The following HELLS variants were observed in gnomAD, a reference collection of about 807,000 sequenced individuals.
The protein encoded by HELLS is helicase, lymphoid specific.
Under a neutral mutation model 120.0 loss-of-function variants are expected in HELLS, and 32 were observed. That is an observed-to-expected ratio of 0.27 (90% CI 0.20 to 0.36). The LOEUF (loss-of-function observed/expected upper bound fraction) is 0.36, where lower values mean the gene tolerates loss of function less well. Among genes scored for constraint, HELLS ranks in the 10% least tolerant of loss-of-function variants. The probability of loss-of-function intolerance (pLI) is 1.00; values close to 1 mark genes in which losing one functional copy is unlikely to be tolerated. For synonymous variants in HELLS, 341 were observed against 323.4 expected (o/e 1.05, Z -0.58); for missense variants, 650 against 993.4 (o/e 0.65, Z 4.65).
At chr10:94,562,645 ATG>A in intron 4 of HELLS, 44 bp from the exon 5 acceptor site, 2 of 1,329,968 alleles carry the variant, frequency 1.5e-6, no homozygotes, top group South Asian at 2.5e-5. Context: ...GTATAATACT[ATG>A]AAGGTCCTTA....
intron 2 of HELLS, among the ~76,000 whole-genome samples, chr10:94,547,997 G>A (rs1842817571): frequency 6.6e-6 from 1 of 152,150 alleles, no homozygotes; most frequent in Admixed American, 6.5e-5. Flanking sequence ...TGAGAGGTCT[G>A]ACCTGAACCA....
intron 2 of HELLS, among the ~76,000 whole-genome samples, chr10:94,553,705 C>T (rs531474086): frequency 7.9e-5 from 12 of 151,736 alleles, no homozygotes; most frequent in Non-Finnish European, 1.8e-4. Flanking sequence ...TGCACCACCA[C>T]GCCTGGCTAA....
intron 12 of HELLS, among the ~76,000 whole-genome samples, chr10:94,584,699 A>G (rs1845035969): frequency 6.6e-6 from 1 of 152,154 alleles, no homozygotes; most frequent in South Asian, 2.1e-4. Flanking sequence ...CTGCCTTTTG[A>G]TTGAACATTT....
chr10:94,567,479 G>A (rs959031457), intron 6 of HELLS, among the ~76,000 whole-genome samples: 1 of 152,060 alleles, frequency 6.6e-6, no homozygotes, highest in Non-Finnish European at 1.5e-5. Context: ...TGTATTTTTA[G>A]TAGAGACGGG....
chr10:94,572,511 T>C (rs1844226913), intron 7 of HELLS, among the ~76,000 whole-genome samples: 1 of 152,212 alleles, frequency 6.6e-6, no homozygotes, highest in African/African-American at 2.4e-5. Flanking sequence ...AGCATATTAG[T>C]AACCGGTTTC....
chr10:94,554,090 A>T, intron 2 of HELLS, 36 bp from the exon 3 acceptor site: 1 of 1,528,632 alleles, frequency 6.5e-7, no homozygotes, highest in Non-Finnish European at 8.7e-7. Context: ...TATGTCAGAA[A>T]GTGTTCATAA....
chr10:94,577,552 T>C (rs1245855751), intron 10 of HELLS: 1 of 153,250 alleles, frequency 6.5e-6, no homozygotes, highest in East Asian at 1.9e-4. Context: ...ATGTGTCTGC[T>C]GGTAAAACTT....
chr10:94,559,969 A>G (rs974908827), intron 4 of HELLS, among the ~76,000 whole-genome samples: 10 of 152,352 alleles, frequency 6.6e-5, no homozygotes, highest in Admixed American at 6.5e-5. Flanking sequence ...GCTGAAAATT[A>G]CGGATTTGAA....
chr10:94,576,600 T>C, intron 9 of HELLS, 62 bp from the exon 10 acceptor site: 2 of 867,200 alleles, frequency 2.3e-6, no homozygotes, highest in Non-Finnish European at 3.4e-6. Context: ...TTATATTTTC[T>C]AAATAGTCAA....
chr10:94,584,830 C>G (rs1490792114), intron 12 of HELLS, among the ~76,000 whole-genome samples: 1 of 151,966 alleles, frequency 6.6e-6, no homozygotes, highest in Admixed American at 6.6e-5. Flanking sequence ...TATCCAAATT[C>G]AACAGTTTTA....
intron 19 of HELLS, among the ~76,000 whole-genome samples, chr10:94,595,103 C>CT (rs79655609): frequency 0.025 from 3,870 of 152,004 alleles, 138 homozygotes; most frequent in African/African-American, 0.077. Flanking sequence ...TGGCGGGCGC[C>CT]TGTAATCCCA....
At chr10:94,567,462 C>CT (rs1843872733) in intron 6 of HELLS, among the ~76,000 whole-genome samples, 1 of 152,122 alleles carries the variant, frequency 6.6e-6, no homozygotes, top group African/African-American at 2.4e-5. Context: ...CCACGCCTGG[C>CT]AAATTTTGTA....
Position 94,545,797 on chromosome 10 carries a change from G to C in HELLS, c.-125G>C. ...GACAGGATTTTCCCGCGAAGGAGAA[G>C]CGCGCTTTTTTCCCTGGCGGGGGAT... is the stretch of plus-strand genomic sequence containing the variant. On this transcript the variant is annotated 5_prime_UTR_variant, in exon 1 of 22. Transcript: ENST00000348459. 2 of 1,092,880 alleles carry C rather than the reference G, an allele frequency of 1.8e-6. No individual in the cohort carries two copies. Among genetic ancestry groups the C allele is most frequent in the South Asian group, 2.7e-5 (2 of 74,480 alleles). 67.7% of individuals were successfully genotyped at this position (1,092,880 alleles called of 1,614,324 possible).
At chr10:94,594,622 G>T in intron 18 of HELLS, 73 bp from the exon 19 acceptor site, 1 of 1,163,182 alleles carries the variant, frequency 8.6e-7, no homozygotes, top group South Asian at 1.8e-5. Flanking sequence ...CATTCATGTT[G>T]ACTTTATCCA....
At chr10:94,585,241 G>C (rs911196789) in intron 12 of HELLS, among the ~76,000 whole-genome samples, 1 of 151,082 alleles carries the variant, frequency 6.6e-6, no homozygotes, top group Non-Finnish European at 1.5e-5. Context: ...ATGCGTACAC[G>C]GTAAGATATT....
intron 3 of HELLS, among the ~76,000 whole-genome samples, chr10:94,554,649 T>G (rs1252454520): frequency 8.5e-5 from 12 of 140,680 alleles, no homozygotes; most frequent in East Asian, 2.3e-4. Context: ...ATAGTGTTTT[T>G]TTTTTTGTTT....
chr10:94,600,047 T>C (rs1845950804), intron 21 of HELLS, among the ~76,000 whole-genome samples: 1 of 152,112 alleles, frequency 6.6e-6, no homozygotes, highest in Non-Finnish European at 1.5e-5. Context: ...TCCTATCACT[T>C]TGGGAGGCTG....
intron 12 of HELLS, among the ~76,000 whole-genome samples, chr10:94,586,783 C>G (rs1002910351): frequency 3.3e-5 from 5 of 151,962 alleles, no homozygotes; most frequent in Non-Finnish European, 7.4e-5. Flanking sequence ...CCTCTGTCTC[C>G]CAAGTTCAAG....
rs962909534 is a variant in HELLS at position 94,571,302 on chromosome 10, A to G, written c.436-86A>G. 5 of 1,116,620 alleles carry G rather than the reference A, an allele frequency of 4.5e-6. No individual in the cohort carries two copies. The African/African-American group carries it at 8.0e-5, about 18-fold the overall frequency. 69.2% of individuals were successfully genotyped at this position (1,116,620 alleles called of 1,614,324 possible). A position where few individuals can be genotyped will look rare whatever the true frequency, so the allele number is the denominator to read the frequency against. On this transcript the variant is annotated intron_variant, in intron 6 of 21. Transcript: ENST00000348459. Reference sequence around the variant, plus strand: ...AATCTCATCCTCATTTCCTGGCAAAATGAGCACAGAATAAATGCTTGTTGA... The same window carrying G: ...AATCTCATCCTCATTTCCTGGCAAAGTGAGCACAGAATAAATGCTTGTTGA...
Sources: gnomAD v4.1 joint callset for allele counts (sites outside exome capture counted in the v4.1 genomes callset) on GRCh38, gnomAD v4.1.1 for gene constraint, MANE v1.5 for transcripts, NCBI Gene and HGNC (gene_info 2026-07-23, HGNC 2026-07-21) for gene names.